Variants in APBB2 observed in about 807,000 individuals in gnomAD.
APBB2 encodes the protein Fe65-like 1.
Under a neutral mutation model 82.5 loss-of-function variants are expected in APBB2, and 38 were observed. The ratio of observed to expected loss-of-function variants is 0.46; its 90% CI spans 0.36 to 0.60. The LOEUF is 0.60. Among genes scored for constraint, APBB2 ranks in the 20% least tolerant of loss-of-function variants. The pLI is 0.00. For missense variants in APBB2, 772 were observed against 972.3 expected (o/e 0.79, Z 2.74); for synonymous variants, 341 against 368.2 (o/e 0.93, Z 0.85).
chr4:41,136,826 A>C lies in APBB2; in HGVS notation c.-261+6161T>G, dbSNP rs143256223. On this transcript the variant is annotated intron_variant, in intron 2 of 17. Coordinates refer to ENST00000508593, the MANE Select transcript of APBB2 (RefSeq NM_004307.2). ...TTTCACATTAAAAATGTCATGTCCC[A>C]AACAAAATTAGGAGTTTATTAGAAA... Among the ~76,000 whole-genome samples, 30 of 152,332 alleles carry C rather than the reference A, an allele frequency of 2.0e-4. No individual in the cohort carries two copies. The East Asian group carries it at 5.8e-3, about 29-fold the overall frequency.
At chr4:40,898,842 AACACACACACACTC>A (rs1303077812) in intron 10 of APBB2, among the ~76,000 whole-genome samples, 1 of 108,616 alleles carries the variant, frequency 9.2e-6, no homozygotes, top group African/African-American at 3.6e-5. Flanking sequence ...AGAAAAAAGA[AACACACACACACTC>A]ACACACACAC....
At chr4:40,884,054 CAT>C (rs1204118347) in intron 12 of APBB2, among the ~76,000 whole-genome samples, 10 of 152,206 alleles carry the variant, frequency 6.6e-5, no homozygotes, top group African/African-American at 1.9e-4. Flanking sequence ...TGCTGCCTAA[CAT>C]AGTATTTAGG....
rs183956137 is a variant in APBB2, at chr4:40,860,288, G to A, written c.1530-29711C>T. Among the ~76,000 whole-genome samples the A allele has an allele frequency of 5.3e-5, 8 of 152,258 alleles. No homozygotes were observed. The East Asian group carries it at 1.4e-3, about 26-fold the overall frequency. On this transcript the variant is annotated intron_variant, in intron 12 of 17. Coordinates refer to ENST00000508593, the MANE Select transcript of APBB2 (RefSeq NM_004307.2). ...TCTAATAGGGTGATCTGGGGTGGGC[G>A]CTTGGCCCATGCAGTATCAGCTCCA...
intron 6 of APBB2, among the ~76,000 whole-genome samples, chr4:40,949,081 C>T (rs1484607273): frequency 2.0e-5 from 3 of 152,034 alleles, no homozygotes; most frequent in South Asian, 2.1e-4. Context: ...GAGTTTGAGA[C>T]CAGCATGGCC....
intron 2 of APBB2, among the ~76,000 whole-genome samples, chr4:41,111,269 C>T (rs1318947312): frequency 1.3e-5 from 2 of 152,212 alleles, no homozygotes; most frequent in Non-Finnish European, 2.9e-5. Context: ...CAGAATGGTA[C>T]CACTCCAAAA....
intron 10 of APBB2, among the ~76,000 whole-genome samples, chr4:40,906,489 G>GAAAAAAAAAAAAAAAAAAAAAAAAAAAAC (rs1776782980): frequency 1.6e-5 from 2 of 122,486 alleles, no homozygotes; most frequent in Non-Finnish European, 3.4e-5. Context: ...AAAAAAAAAA[G>GAAAAAAAAAAAAAAAAAAAAAAAAAAAAC]AAAAGAAAAG....
At chr4:40,949,272 A>C (rs575919245) in intron 6 of APBB2, among the ~76,000 whole-genome samples, 5 of 152,302 alleles carry the variant, frequency 3.3e-5, no homozygotes, top group African/African-American at 1.2e-4. Flanking sequence ...GTCTCAAAAA[A>C]GGCGGGGGGA....
intron 11 of APBB2, 194 bp downstream of exon 11, chr4:40,893,071 C>G (rs1441376058): frequency 1.8e-6 from 1 of 543,444 alleles, no homozygotes; most frequent in South Asian, 3.2e-5. Flanking sequence ...AGGCCCCAGT[C>G]CTCACTGGCA....
chr4:40,852,351 CA>C (rs771660810), intron 12 of APBB2, among the ~76,000 whole-genome samples: 37,892 of 94,290 alleles, frequency 0.4, 4,637 homozygotes, highest in African/African-American at 0.46. Context: ...ACTCTGTCTT[CA>C]AAAAAAAAAA....
At chr4:41,121,795 A>T (rs1034121764) in intron 2 of APBB2, among the ~76,000 whole-genome samples, 2 of 152,026 alleles carry the variant, frequency 1.3e-5, no homozygotes, top group African/African-American at 4.8e-5. Flanking sequence ...CTTGGCTATT[A>T]CTAGCCCCCG....
chr4:40,904,545 T>C (rs893913267), intron 10 of APBB2, among the ~76,000 whole-genome samples: 2 of 152,026 alleles, frequency 1.3e-5, no homozygotes, highest in Middle Eastern at 3.2e-3. Context: ...AGGCAAGCTT[T>C]TCAAGATTCA....
At chr4:41,037,185 C>T (rs569330403) in intron 4 of APBB2, among the ~76,000 whole-genome samples, 16 of 152,274 alleles carry the variant, frequency 1.1e-4, no homozygotes, top group African/African-American at 3.9e-4. Flanking sequence ...TTCCTCAACT[C>T]TAAATTTTAT....
chr4:41,121,429 A>C (rs998157430), intron 2 of APBB2, among the ~76,000 whole-genome samples: 1 of 152,258 alleles, frequency 6.6e-6, no homozygotes, highest in Non-Finnish European at 1.5e-5. Context: ...TCAGAAAAGC[A>C]ATGGAAGAAT....
chr4:41,095,078 A>T (rs1743063653), intron 3 of APBB2, among the ~76,000 whole-genome samples: 2 of 152,248 alleles, frequency 1.3e-5, no homozygotes, highest in Non-Finnish European at 2.9e-5. Context: ...AAGATCACTT[A>T]TAAATGTGGC....
chr4:41,136,444 T>C (rs1335092282), intron 2 of APBB2, among the ~76,000 whole-genome samples: 2 of 152,228 alleles, frequency 1.3e-5, no homozygotes, highest in Non-Finnish European at 2.9e-5. Flanking sequence ...ATAAAAAAGA[T>C]AATTCCATGT....
At chr4:40,874,358 T>C (rs1268717216) in intron 12 of APBB2, among the ~76,000 whole-genome samples, 1 of 152,220 alleles carries the variant, frequency 6.6e-6, no homozygotes, top group African/African-American at 2.4e-5. Flanking sequence ...CCAAGGGCAA[T>C]TTAACAATAT....
intron 4 of APBB2, among the ~76,000 whole-genome samples, chr4:41,048,351 G>T (rs73809458): frequency 6.6e-6 from 1 of 152,008 alleles, no homozygotes; most frequent in African/African-American, 2.4e-5. Context: ...ACTTCTGGTC[G>T]CAAACATCTT....
At chr4:41,097,907 C>T (rs1227502812) in intron 3 of APBB2, among the ~76,000 whole-genome samples, 1 of 151,974 alleles carries the variant, frequency 6.6e-6, no homozygotes, top group Non-Finnish European at 1.5e-5. Context: ...GTTTGCTTTT[C>T]CAAAAAGAAA....
chr4:41,104,616 T>C (rs35964718), intron 2 of APBB2, among the ~76,000 whole-genome samples: 9,176 of 152,264 alleles, frequency 0.06, 329 homozygotes, highest in Middle Eastern at 0.13. Context: ...TAGGTAGTTT[T>C]GCAATCCTCA....
Sources: allele counts gnomAD v4.1 joint callset (sites outside exome capture counted in the v4.1 genomes callset), GRCh38; gene constraint gnomAD v4.1.1; transcripts MANE v1.5; gene names NCBI Gene and HGNC (gene_info 2026-07-23, HGNC 2026-07-21).